PRKCB: variants seen among roughly 807,000 people sequenced by gnomAD.
PRKCB encodes protein kinase C beta type.
In PRKCB, 13 loss-of-function variants were observed where a neutral mutation model predicts 81.5. The observed-to-expected ratio is 0.16, with a 90% confidence interval of 0.10 to 0.25. The LOEUF (loss-of-function observed/expected upper bound fraction) is 0.25. PRKCB is among the 10% of genes least tolerant of loss of function. PRKCB has a pLI of 1.00. For synonymous variants in PRKCB, 335 were observed against 321.4 expected (o/e 1.04, Z -0.45); for missense variants, 509 against 875.7 (o/e 0.58, Z 5.29).
intron 3 of PRKCB, among the ~76,000 whole-genome samples, chr16:24,013,871 T>C (rs7191360): frequency 0.74 from 111,678 of 151,820 alleles, 41,397 homozygotes; most frequent in South Asian, 0.83. Context: ...GGCCTGCTGG[T>C]TCAGGGTCAT....
chr16:24,103,162 C>T (rs1002822831), intron 7 of PRKCB, among the ~76,000 whole-genome samples: 2 of 152,180 alleles, frequency 1.3e-5, no homozygotes, highest in Non-Finnish European at 2.9e-5. Flanking sequence ...TGTGAACCAC[C>T]GCACGTGGCC....
Position 24,002,942 on chromosome 16 carries a change from G to A in PRKCB, c.288+14352G>A, listed in dbSNP as rs1965058699. Reference sequence around the variant, plus strand: ...GACCTGACCTCTGGTTGGACTCAAGGGGAGGGGCTAATAGGAGACTTGGGG... The same window carrying A: ...GACCTGACCTCTGGTTGGACTCAAGAGGAGGGGCTAATAGGAGACTTGGGG... On this transcript the variant is annotated intron_variant, in intron 3 of 16. Transcript: ENST00000643927. Among the ~76,000 whole-genome samples the A allele has an allele frequency of 2.6e-5, 4 of 152,210 alleles. No homozygotes were observed. In the South Asian group the frequency reaches 8.3e-4, roughly 32 times the overall value.
chr16:23,928,539 A>C (rs79547084), intron 2 of PRKCB, among the ~76,000 whole-genome samples: 10 of 152,062 alleles, frequency 6.6e-5, no homozygotes, highest in African/African-American at 2.4e-4. Context: ...CCTCCATCAG[A>C]GGGTGGAGAC....
At chr16:24,084,417 T>G (rs1345329680) in intron 5 of PRKCB, among the ~76,000 whole-genome samples, 1 of 151,938 alleles carries the variant, frequency 6.6e-6, no homozygotes, top group Non-Finnish European at 1.5e-5. Flanking sequence ...AAGGAGTAAT[T>G]TACAGAAATA....
intron 7 of PRKCB, 126 bp from the exon 8 acceptor site, chr16:24,112,842 ACAAAC>A: frequency 3.2e-6 from 2 of 619,288 alleles, no homozygotes; most frequent in East Asian, 5.8e-5. Flanking sequence ...ACAAACCAAA[ACAAAC>A]CAAAAAACCC....
intron 7 of PRKCB, among the ~76,000 whole-genome samples, chr16:24,105,646 G>A (rs1966566772): frequency 6.6e-6 from 1 of 152,116 alleles, no homozygotes; most frequent in African/African-American, 2.4e-5. Context: ...CTGTTTCTGT[G>A]TTAGTTTGCT....
chr16:24,145,087 T>G (rs898361135), intron 9 of PRKCB, among the ~76,000 whole-genome samples: 1 of 152,104 alleles, frequency 6.6e-6, no homozygotes, highest in Non-Finnish European at 1.5e-5. Flanking sequence ...AGGGTCACAT[T>G]GGAGTGACCT....
chr16:23,878,632 C>G (rs1325435975), intron 2 of PRKCB, among the ~76,000 whole-genome samples: 2 of 152,158 alleles, frequency 1.3e-5, no homozygotes, highest in East Asian at 3.8e-4. Flanking sequence ...TTGGCTGACT[C>G]AAATATTTTG....
chr16:23,943,219 G>A (rs1596481882), intron 2 of PRKCB, among the ~76,000 whole-genome samples: 1 of 152,162 alleles, frequency 6.6e-6, no homozygotes, highest in African/African-American at 2.4e-5. Context: ...CCTTAGGGTG[G>A]TGTTGTAAAG....
At chr16:24,153,888 C>A (rs1432412774) in intron 9 of PRKCB, among the ~76,000 whole-genome samples, 1 of 152,206 alleles carries the variant, frequency 6.6e-6, no homozygotes, top group Non-Finnish European at 1.5e-5. Flanking sequence ...ATCCCCAGTG[C>A]TTAGCAGGTT....
intron 2 of PRKCB, among the ~76,000 whole-genome samples, chr16:23,852,951 A>G (rs2141083802): frequency 6.6e-6 from 1 of 152,284 alleles, no homozygotes; most frequent in East Asian, 1.9e-4. Flanking sequence ...TGCATAGAGG[A>G]AGTGAAATCC....
chr16:24,195,848 A>G (rs1179104372), intron 16 of PRKCB, among the ~76,000 whole-genome samples: 2 of 152,154 alleles, frequency 1.3e-5, no homozygotes, highest in Non-Finnish European at 2.9e-5. Flanking sequence ...CCTGACTCCA[A>G]GAACAGCATT....
intron 10 of PRKCB, among the ~76,000 whole-genome samples, chr16:24,164,673 C>T (rs1421430960): frequency 6.6e-6 from 1 of 152,176 alleles, no homozygotes; most frequent in Non-Finnish European, 1.5e-5. Context: ...TAAGTCAAGA[C>T]TCATCAGCCC....
At chr16:23,936,663 G>A (rs1018854129) in intron 2 of PRKCB, among the ~76,000 whole-genome samples, 7 of 146,568 alleles carry the variant, frequency 4.8e-5, no homozygotes, top group Non-Finnish European at 8.9e-5. Context: ...GAACTCAAGC[G>A]ATCCACCTGC....
chr16:24,165,766 T>A (rs1202049945), intron 10 of PRKCB, among the ~76,000 whole-genome samples: 1 of 152,164 alleles, frequency 6.6e-6, no homozygotes, highest in Non-Finnish European at 1.5e-5. Flanking sequence ...TTAAAATTTT[T>A]AAAATAATTG....
At chr16:24,187,977 T>C (rs537752805) in intron 15 of PRKCB, among the ~76,000 whole-genome samples, 41 of 152,354 alleles carry the variant, frequency 2.7e-4, no homozygotes, top group African/African-American at 9.6e-4. Flanking sequence ...GCTCCTTGCA[T>C]GATGTGGGCA....
intron 5 of PRKCB, among the ~76,000 whole-genome samples, chr16:24,084,726 A>G (rs1166501098): frequency 6.6e-6 from 1 of 152,224 alleles, no homozygotes; most frequent in Non-Finnish European, 1.5e-5. Context: ...TGACAAAAAC[A>G]TATAATACCA....
chr16:24,163,759 GACA>G (rs2141960085), intron 10 of PRKCB, among the ~76,000 whole-genome samples: 1 of 152,364 alleles, frequency 6.6e-6, no homozygotes, highest in South Asian at 2.1e-4. Flanking sequence ...GCATGGACTT[GACA>G]TGCGTCATCT....
intron 3 of PRKCB, among the ~76,000 whole-genome samples, chr16:24,011,119 G>A (rs1965197612): frequency 6.6e-6 from 1 of 152,084 alleles, no homozygotes; most frequent in South Asian, 2.1e-4. Context: ...TCCCACCTTG[G>A]CCTCCCAAAG....
Sources: allele counts gnomAD v4.1 joint callset (sites outside exome capture counted in the v4.1 genomes callset), GRCh38; gene constraint gnomAD v4.1.1; transcripts MANE v1.5; gene names NCBI Gene and HGNC (gene_info 2026-07-23, HGNC 2026-07-21).